Variants in ABHD6 observed in about 807,000 individuals in gnomAD.
ABHD6 encodes the protein abhydrolase domain containing 6, acylglycerol lipase, also known as monoacylglycerol lipase ABHD6.
In ABHD6, 33 loss-of-function variants were observed where a neutral mutation model predicts 38.8. The ratio of observed to expected loss-of-function variants is 0.85; its 90% CI spans 0.64 to 1.14. The LOEUF (loss-of-function observed/expected upper bound fraction) is 1.14, where lower values mean the gene tolerates loss of function less well. Ranked by LOEUF, ABHD6 falls within the 50% of genes most tolerant of loss-of-function variation. The probability of loss-of-function intolerance (pLI) is 0.00; values close to 1 mark genes in which losing one functional copy is unlikely to be tolerated. For missense variants in ABHD6, 380 were observed against 422.6 expected (o/e 0.90, Z 0.88); for synonymous variants, 147 against 161.6 (o/e 0.91, Z 0.69).
intron 9 of ABHD6, among the ~76,000 whole-genome samples, chr3:58,289,761 A>G (rs1342642373): frequency 6.6e-6 from 1 of 152,104 alleles, no homozygotes; most frequent in African/African-American, 2.4e-5. Context: ...CACACCTCCC[A>G]GACGGGGTGG....
intron 9 of ABHD6, among the ~76,000 whole-genome samples, chr3:58,291,056 G>T (rs1177600867): frequency 3.3e-5 from 5 of 149,692 alleles, no homozygotes; most frequent in Non-Finnish European, 7.4e-5. Context: ...GTAGCGAGCC[G>T]AGATCACACC....
chr3:58,275,073 C>A (rs771064810), intron 7 of ABHD6, among the ~76,000 whole-genome samples: 1 of 152,100 alleles, frequency 6.6e-6, no homozygotes, highest in Non-Finnish European at 1.5e-5. Context: ...CAATGAACTA[C>A]CAGTGGTCAT....
At position 58,287,233 on chromosome 3, in the gene ABHD6, G is replaced by A. The variant is rs1004242567; in HGVS notation, c.837+1780G>A. Among the ~76,000 whole-genome samples, 11 of 152,240 alleles carry A rather than the reference G, an allele frequency of 7.2e-5. No homozygotes were observed. The highest frequency in any genetic ancestry group is 1.9e-4 in the East Asian group (1 of 5,162). ...CAGGACATGGAGGTGGCAGTGAGCC[G>A]TGATTGCTTCACTGCACACCAGCCT... On this transcript the variant is annotated intron_variant, in intron 9 of 9. Coordinates refer to ENST00000478253, the MANE Select transcript of ABHD6 (RefSeq NM_001320126.2). The surrounding 1 kb of genome is among the most constrained non-coding windows in gnomAD (Gnocchi z 4.7).
rs1249734019 is a variant in ABHD6 at position 58,266,002 on chromosome 3, A to G, written c.120-1187A>G. Among the ~76,000 whole-genome samples the G allele has an allele frequency of 2.6e-5, 4 of 152,246 alleles. No homozygotes were observed. Among genetic ancestry groups the G allele is most frequent in the African/African-American group, 9.6e-5 (4 of 41,466 alleles). Reference sequence around the variant, plus strand: ...GACATTCAAAGTCAGTAAGTGAATGAGCTGGGATGTGAATGGATGAACAAA... The same window carrying G: ...GACATTCAAAGTCAGTAAGTGAATGGGCTGGGATGTGAATGGATGAACAAA... On this transcript the variant is annotated intron_variant, in intron 3 of 9. Coordinates refer to ENST00000478253, the MANE Select transcript of ABHD6 (RefSeq NM_001320126.2). This position sits in a 1 kb window ranked among gnomAD's most constrained non-coding sequence, Gnocchi z 4.0.
intron 7 of ABHD6, 89 bp from the exon 8 acceptor site, chr3:58,284,996 C>A: frequency 8.0e-7 from 1 of 1,247,558 alleles, no homozygotes; most frequent in Non-Finnish European, 1.2e-6. Flanking sequence ...AATTGCTGGA[C>A]CTCATTCCCA....
rs553168395 is a variant in ABHD6 at position 58,265,829 on chromosome 3, A to G, written c.120-1360A>G. Reference sequence around the variant, plus strand: ...AGACTATAAGAGTGAGCCAGAAGCAAGAGGGGACCAGACTCACTTTTATCA... The same window carrying G: ...AGACTATAAGAGTGAGCCAGAAGCAGGAGGGGACCAGACTCACTTTTATCA... On this transcript the variant is annotated intron_variant, in intron 3 of 9. Coordinates refer to ENST00000478253, the MANE Select transcript of ABHD6 (RefSeq NM_001320126.2). The surrounding 1 kb of genome is among the most constrained non-coding windows in gnomAD (Gnocchi z 4.2). 2.0e-5 allele frequency among the ~76,000 whole-genome samples: 3 copies of G among 152,230 alleles called. No homozygotes were observed. The highest frequency in any genetic ancestry group is 4.4e-5 in the Non-Finnish European group (3 of 68,032).
intron 7 of ABHD6, among the ~76,000 whole-genome samples, chr3:58,278,007 C>T (rs2097449979): frequency 6.6e-6 from 1 of 152,148 alleles, no homozygotes; most frequent in African/African-American, 2.4e-5. Flanking sequence ...TTCGGTTTGC[C>T]AGTATTTTAT....
rs1469468406 is a variant in ABHD6, at chr3:58,290,477, C to T, written c.838-3112C>T. ...GGCTGGCCGGGCGGGGGGCTGACCC[C>T]CCCACCTCCCTCCCGGACGGGGCGG... On this transcript the variant is annotated intron_variant, in intron 9 of 9. Coordinates refer to ENST00000478253, the MANE Select transcript of ABHD6 (RefSeq NM_001320126.2). Among the ~76,000 whole-genome samples, 7 of 128,950 alleles carry T rather than the reference C, an allele frequency of 5.4e-5. 1 individual carries two copies. In the East Asian group the frequency reaches 1.9e-3, roughly 34 times the overall value. 84.6% of individuals were successfully genotyped at this position (128,950 alleles called of 152,430 possible).
chr3:58,273,219 C>T lies in ABHD6; in HGVS notation c.524-1439C>T, dbSNP rs924767777. ...TTGCAAAGCGTGGGTTTCTGCATCA[C>T]GACCAATATTATTGATGCTACTGCC... On this transcript the variant is annotated intron_variant, in intron 6 of 9. Transcript: ENST00000478253. This position sits in a 1 kb window ranked among gnomAD's most constrained non-coding sequence, Gnocchi z 4.8. Among the ~76,000 whole-genome samples the T allele has an allele frequency of 5.9e-5, 9 of 152,006 alleles. No individual in the cohort carries two copies. The highest frequency in any genetic ancestry group is 2.0e-4 in the Admixed American group (3 of 15,250).
At chr3:58,283,873 G>T (rs945095896) in intron 7 of ABHD6, among the ~76,000 whole-genome samples, 3 of 152,296 alleles carry the variant, frequency 2.0e-5, no homozygotes, top group East Asian at 1.9e-4. Context: ...CTCTGATGCT[G>T]AGCACAATGT....
chr3:58,275,382 T>C (rs1366195199), intron 7 of ABHD6, among the ~76,000 whole-genome samples: 3 of 145,492 alleles, frequency 2.1e-5, no homozygotes, highest in Non-Finnish European at 4.5e-5. Flanking sequence ...TAGGCTGGAG[T>C]GCAGTAGCAT....
At chr3:58,274,149 A>T (rs563797510) in intron 6 of ABHD6, among the ~76,000 whole-genome samples, 1 of 152,318 alleles carries the variant, frequency 6.6e-6, no homozygotes, top group African/African-American at 2.4e-5. Flanking sequence ...CCTGTGTTTT[A>T]TCATTGACCC....
At chr3:58,290,289 G>T (rs6781836) in intron 9 of ABHD6, among the ~76,000 whole-genome samples, 31,029 of 83,976 alleles carry the variant, frequency 0.37, 6,545 homozygotes, top group African/African-American at 0.59. Flanking sequence ...CTGGCCGGGC[G>T]GGGGGCTGAC....
rs572110693 is a variant in ABHD6 at position 58,251,790 on chromosome 3, G to A, written c.-26+1848G>A. Reference sequence around the variant, plus strand: ...AACCCTGGGGTGCCTCACTTTACACGATAAATAGATAAAATGAAGTGTTTT... The same window carrying A: ...AACCCTGGGGTGCCTCACTTTACACAATAAATAGATAAAATGAAGTGTTTT... On this transcript the variant is annotated intron_variant, in intron 2 of 9. Coordinates refer to ENST00000478253, the MANE Select transcript of ABHD6 (RefSeq NM_001320126.2). This position sits in a 1 kb window ranked among gnomAD's most constrained non-coding sequence, Gnocchi z 5.4. 6.4e-4 allele frequency among the ~76,000 whole-genome samples: 98 copies of A among 152,110 alleles called. No individual in the cohort carries two copies. Among genetic ancestry groups the A allele is most frequent in the Non-Finnish European group, 1.2e-3 (80 of 68,014 alleles).
intron 3 of ABHD6, among the ~76,000 whole-genome samples, chr3:58,264,827 G>A (rs7614110): frequency 6.6e-6 from 1 of 152,048 alleles, no homozygotes; most frequent in African/African-American, 2.4e-5. Flanking sequence ...TTTGATACAG[G>A]TATGCCATGT....
chr3:58,272,729 G>A lies in ABHD6; in HGVS notation c.523+1665G>A, dbSNP rs368477513. 2.5e-4 allele frequency among the ~76,000 whole-genome samples: 38 copies of A among 152,108 alleles called. 1 individual carries two copies. The South Asian group carries it at 3.7e-3, about 15-fold the overall frequency. ...TTGCTCAGAGAAAAAATTGACATCC[G>A]AATTTCAACTGGAAATTTAAAATTA... On this transcript the variant is annotated intron_variant, in intron 6 of 9. Coordinates refer to ENST00000478253, the MANE Select transcript of ABHD6 (RefSeq NM_001320126.2).
In ABHD6 at chr3:58,285,664, C is replaced by CA. The variant is rs2097456364; in HGVS notation, c.837+213dup. On this transcript the variant is annotated intron_variant, in intron 9 of 9. Transcript: ENST00000478253. This position sits in a 1 kb window ranked among gnomAD's most constrained non-coding sequence, Gnocchi z 4.9. ...ACATTTGGTCTGGTAAAAGGAAAGA[C>CA]AATTTTAAATCATTTTCAAAAATTG... Among the ~76,000 whole-genome samples the CA allele has an allele frequency of 6.6e-6, 1 of 152,148 alleles. No individual in the cohort carries two copies. The highest frequency in any genetic ancestry group is 1.5e-5 in the Non-Finnish European group (1 of 68,022).
intron 7 of ABHD6, among the ~76,000 whole-genome samples, chr3:58,283,937 CT>C (rs147543254): frequency 1.8e-3 from 269 of 152,324 alleles, no homozygotes; most frequent in Non-Finnish European, 3.2e-3. Flanking sequence ...GAGTTAGAGT[CT>C]AGTGATGCTC....
chr3:58,271,696 T>C (rs2097444978), intron 6 of ABHD6, among the ~76,000 whole-genome samples: 1 of 151,654 alleles, frequency 6.6e-6, no homozygotes, highest in Non-Finnish European at 1.5e-5. Flanking sequence ...TATAAGTCTT[T>C]AGAGTTGTAT....
Sources: allele counts gnomAD v4.1 joint callset (sites outside exome capture counted in the v4.1 genomes callset), GRCh38; gene constraint gnomAD v4.1.1; non-coding constraint Gnocchi (gnomAD v3.1); transcripts MANE v1.5; gene names NCBI Gene and HGNC (gene_info 2026-07-23, HGNC 2026-07-21).